Variants in ITPKB observed in about 807,000 individuals in gnomAD.
The protein encoded by ITPKB is IP3 3-kinase B.
In ITPKB, 13 loss-of-function variants were observed where a neutral mutation model predicts 69.4. The ratio of observed to expected loss-of-function variants is 0.19; its 90% CI spans 0.12 to 0.30. The LOEUF is 0.30. Ranked by LOEUF, ITPKB falls within the 10% of genes least tolerant of loss-of-function variation. The probability of loss-of-function intolerance (pLI) is 1.00; values close to 1 mark genes in which losing one functional copy is unlikely to be tolerated. For synonymous variants in ITPKB, 584 were observed against 513.7 expected, an observed-to-expected ratio of 1.14 and a Z score of -1.85; for missense variants, 1,240 against 1,250.5, an observed-to-expected ratio of 0.99 and a Z score of 0.13.
chr1:226,673,786 A>G (rs1399844026), intron 2 of ITPKB, among the ~76,000 whole-genome samples: 3 of 152,234 alleles, frequency 2.0e-5, no homozygotes, highest in Non-Finnish European at 4.4e-5. Context: ...GGACAAGACA[A>G]GCTTGTTTCC....
intron 2 of ITPKB, among the ~76,000 whole-genome samples, chr1:226,729,221 C>T (rs1273717839): frequency 6.6e-6 from 1 of 152,036 alleles, no homozygotes; most frequent in Non-Finnish European, 1.5e-5. Context: ...CGGTGGCTCA[C>T]GCCTGTAATC....
In ITPKB at chr1:226,685,101, G is replaced by A. The variant is rs1013250549; in HGVS notation, c.1933-36330C>T. Among the ~76,000 whole-genome samples, 3 of 152,218 alleles carry A rather than the reference G, an allele frequency of 2.0e-5. No individual in the cohort carries two copies. The South Asian group carries it at 6.2e-4, about 31-fold the overall frequency. ...GAAGGAGTTGGCCTCTGCCCCAAGA[G>A]GGAAACAGCCCTTCAACGGGAACAA... On this transcript the variant is annotated intron_variant, in intron 2 of 7. Transcript: ENST00000429204.
Position 226,637,534 on chromosome 1 carries a change from T to C in ITPKB, c.2625+145A>G. ...GAAGCATTGAGACGCAGCTCCCCCG[T>C]GCAGCGAGGGTCTGGTCCCTGATGG... is the stretch of plus-strand genomic sequence containing the variant. On this transcript the variant is annotated intron_variant, in intron 7 of 7. Transcript: ENST00000429204. This position sits in a 1 kb window ranked among gnomAD's most constrained non-coding sequence, Gnocchi z 4.3. 1 of 660,254 alleles carries C rather than the reference T, an allele frequency of 1.5e-6. No individual in the cohort carries two copies. Among genetic ancestry groups the C allele is most frequent in the South Asian group, 1.8e-5 (1 of 56,918 alleles). 40.9% of individuals were successfully genotyped at this position (660,254 alleles called of 1,614,324 possible). A position where few individuals can be genotyped will look rare whatever the true frequency, so the allele number is the denominator to read the frequency against.
rs539964564 is a variant in ITPKB at position 226,637,261 on chromosome 1, C to T, written c.2625+418G>A. ...AAAGTTGGGAGATTCCAGCCCTGCC[C>T]GAGAGTGGCACCTGAAGACCTGCCT... On this transcript the variant is annotated intron_variant, in intron 7 of 7. Coordinates refer to ENST00000429204, the MANE Select transcript of ITPKB (RefSeq NM_002221.4). The surrounding 1 kb of genome is among the most constrained non-coding windows in gnomAD (Gnocchi z 4.3). Among the ~76,000 whole-genome samples, 4 of 152,296 alleles carry T rather than the reference C, an allele frequency of 2.6e-5. No homozygotes were observed. The highest frequency in any genetic ancestry group is 2.1e-4 in the South Asian group (1 of 4,826).
chr1:226,705,104 C>G (rs1403209389), intron 2 of ITPKB, among the ~76,000 whole-genome samples: 1 of 152,238 alleles, frequency 6.6e-6, no homozygotes, highest in African/African-American at 2.4e-5. Context: ...ATTCAGGCCA[C>G]TCTCCCACAG....
chr1:226,721,264 C>A lies in ITPKB; in HGVS notation c.1932+14263G>T, dbSNP rs185009810. On this transcript the variant is annotated intron_variant, in intron 2 of 7. Transcript: ENST00000429204. ...TCAGGAGGCTGAGGCAGGAGAATCG[C>A]TTGAACCCAGGAGGCGGAGGTTGCA... Among the ~76,000 whole-genome samples the A allele has an allele frequency of 8.4e-3, 1,228 of 146,906 alleles. 5 individuals carry two copies. Among genetic ancestry groups the A allele is most frequent in the South Asian group, 0.022 (98 of 4,458 alleles).
Position 226,637,622 on chromosome 1 carries a change from G to C in ITPKB, c.2625+57C>G. Reference sequence around the variant, plus strand: ...CCCCGGGCTTCTGGAAGGAGAAGGAGAAGGCCTGTTGGCACGCGCAGCATT... The same window carrying C: ...CCCCGGGCTTCTGGAAGGAGAAGGACAAGGCCTGTTGGCACGCGCAGCATT... On this transcript the variant is annotated intron_variant, in intron 7 of 7. Coordinates refer to ENST00000429204, the MANE Select transcript of ITPKB (RefSeq NM_002221.4). This position sits in a 1 kb window ranked among gnomAD's most constrained non-coding sequence, Gnocchi z 4.3. 1 of 1,372,588 alleles carries C rather than the reference G, an allele frequency of 7.3e-7. No homozygotes were observed. Among genetic ancestry groups the C allele is most frequent in the Non-Finnish European group, 1.0e-6 (1 of 964,130 alleles). 85.0% of individuals were successfully genotyped at this position (1,372,588 alleles called of 1,614,324 possible). A position where few individuals can be genotyped will look rare whatever the true frequency, so the allele number is the denominator to read the frequency against.
intron 2 of ITPKB, among the ~76,000 whole-genome samples, chr1:226,682,427 G>C (rs1656114440): frequency 6.6e-6 from 1 of 152,198 alleles, no homozygotes; most frequent in South Asian, 2.1e-4. Context: ...CAAAGGGTTT[G>C]GAGCAAAGCA....
chr1:226,675,982 G>A (rs977437848), intron 2 of ITPKB: 3 of 152,200 alleles, frequency 2.0e-5, no homozygotes, highest in Non-Finnish European at 4.4e-5. Flanking sequence ...AATAACCAAA[G>A]TGGGGGGATC....
chr1:226,661,289 C>A (rs1178053564), intron 2 of ITPKB, among the ~76,000 whole-genome samples: 2 of 152,220 alleles, frequency 1.3e-5, no homozygotes, highest in African/African-American at 4.8e-5. Context: ...CAAGAAATAG[C>A]TCGTGTGCTT....
At chr1:226,652,205 C>T (rs1669208314) in intron 2 of ITPKB, among the ~76,000 whole-genome samples, 1 of 152,248 alleles carries the variant, frequency 6.6e-6, no homozygotes, top group South Asian at 2.1e-4. Flanking sequence ...CCAACCACTC[C>T]AGCCTAGCCC....
intron 2 of ITPKB, among the ~76,000 whole-genome samples, chr1:226,667,534 A>C (rs1571849435): frequency 6.6e-6 from 1 of 152,214 alleles, no homozygotes; most frequent in African/African-American, 2.4e-5. Context: ...GGGCCAGCCC[A>C]TCAGGGAGAG....
intron 2 of ITPKB, among the ~76,000 whole-genome samples, chr1:226,689,567 ATTTGTGTG>A (rs1656296589): frequency 2.1e-5 from 2 of 93,724 alleles, no homozygotes; most frequent in African/African-American, 8.5e-5. Context: ...GGAAGGTTTT[ATTTGTGTG>A]TGTGTGTGTG....
chr1:226,637,144 C>A lies in ITPKB; in HGVS notation c.2625+535G>T, dbSNP rs1443304296. On this transcript the variant is annotated intron_variant, in intron 7 of 7. Coordinates refer to ENST00000429204, the MANE Select transcript of ITPKB (RefSeq NM_002221.4). The surrounding 1 kb of genome is among the most constrained non-coding windows in gnomAD (Gnocchi z 4.3). ...ACTCCCCATGTCAGGGTCTCACACC[C>A]CTCCAGGGAACCTGCCGACACCTCC... 1.3e-5 allele frequency among the ~76,000 whole-genome samples: 2 copies of A among 152,128 alleles called. No homozygotes were observed. Among genetic ancestry groups the A allele is most frequent in the Non-Finnish European group, 2.9e-5 (2 of 68,010 alleles).
At chr1:226,727,812 C>T (rs1426665224) in intron 2 of ITPKB, among the ~76,000 whole-genome samples, 1 of 152,156 alleles carries the variant, frequency 6.6e-6, no homozygotes, top group African/African-American at 2.4e-5. Flanking sequence ...AAGGGCCGGC[C>T]GTTACCCTTC....
Position 226,642,191 on chromosome 1 carries a change from C to T in ITPKB, c.2247-66G>A. Reference sequence around the variant, plus strand: ...GCAGGGCTCACCAGCAGCTCCTTTCCTGCCTGGTGGATGAAGGTTTGGGGC... The same window carrying T: ...GCAGGGCTCACCAGCAGCTCCTTTCTTGCCTGGTGGATGAAGGTTTGGGGC... On this transcript the variant is annotated intron_variant, in intron 4 of 7. Coordinates refer to ENST00000429204, the MANE Select transcript of ITPKB (RefSeq NM_002221.4). This position sits in a 1 kb window ranked among gnomAD's most constrained non-coding sequence, Gnocchi z 6.4. The T allele has an allele frequency of 7.5e-7, 1 of 1,340,594 alleles. No homozygotes were observed. The highest frequency in any genetic ancestry group is 1.8e-5 in the Admixed American group (1 of 54,588). 83.0% of individuals were successfully genotyped at this position (1,340,594 alleles called of 1,614,324 possible). A position where few individuals can be genotyped will look rare whatever the true frequency, so the allele number is the denominator to read the frequency against.
At chr1:226,696,057 C>T (rs185972735) in intron 2 of ITPKB, among the ~76,000 whole-genome samples, 8 of 152,296 alleles carry the variant, frequency 5.3e-5, no homozygotes, top group South Asian at 2.1e-4. Flanking sequence ...TGCTACTTGC[C>T]CGGGGCACCC....
Position 226,723,113 on chromosome 1 carries a change from C to T in ITPKB, c.1932+12414G>A, listed in dbSNP as rs558814934. ...ATCCAGCCCGGATCCTGCATGGGTT[C>T]CAGTAGGCCCTCCTGGGACTTGGAA... On this transcript the variant is annotated intron_variant, in intron 2 of 7. Transcript: ENST00000429204. Among the ~76,000 whole-genome samples, 30 of 152,266 alleles carry T rather than the reference C, an allele frequency of 2.0e-4. 1 individual carries two copies. Among genetic ancestry groups the T allele is most frequent in the African/African-American group, 4.6e-4 (19 of 41,554 alleles).
chr1:226,670,745 TCA>T (rs1311340301), intron 2 of ITPKB, among the ~76,000 whole-genome samples: 1 of 152,256 alleles, frequency 6.6e-6, no homozygotes, highest in Non-Finnish European at 1.5e-5. Context: ...CTCTCATTTC[TCA>T]GTTATTATAT....
Sources: gnomAD v4.1 joint callset for allele counts (sites outside exome capture counted in the v4.1 genomes callset) on GRCh38, gnomAD v4.1.1 for gene constraint, Gnocchi (gnomAD v3.1) non-coding constraint, MANE v1.5 for transcripts, NCBI Gene and HGNC (gene_info 2026-07-23, HGNC 2026-07-21) for gene names.